The following COL27A1 variants were observed in gnomAD, a reference collection of about 807,000 sequenced individuals.
COL27A1 encodes collagen alpha-1(XXVII) chain.
In COL27A1, 106 loss-of-function variants were observed where a neutral mutation model predicts 251.3. That is an observed-to-expected ratio of 0.42 (90% CI 0.36 to 0.50). The LOEUF (loss-of-function observed/expected upper bound fraction) is 0.50, where lower values mean the gene tolerates loss of function less well. Among genes scored for constraint, COL27A1 ranks in the 20% least tolerant of loss-of-function variants. The pLI is 0.00. For synonymous variants in COL27A1, 1,000 were observed against 986.3 expected, an observed-to-expected ratio of 1.01 and a Z score of -0.26; for missense variants, 2,325 against 2,522.8, an observed-to-expected ratio of 0.92 and a Z score of 1.68.
At chr9:114,185,930 G>A (rs1220233868) in intron 5 of COL27A1, among the ~76,000 whole-genome samples, 2 of 152,228 alleles carry the variant, frequency 1.3e-5, no homozygotes, top group Non-Finnish European at 2.9e-5. Flanking sequence ...GAGATGGGTG[G>A]TTTGAGGAAG....
chr9:114,206,309 T>C lies in COL27A1; in HGVS notation c.2268+13T>C. The C allele has an allele frequency of 6.2e-7, 1 of 1,614,024 alleles. No individual in the cohort carries two copies. Among genetic ancestry groups the C allele is most frequent in the Non-Finnish European group, 8.5e-7 (1 of 1,179,870 alleles). On this transcript the variant is annotated intron_variant, in intron 10 of 60. Coordinates refer to ENST00000356083, the MANE Select transcript of COL27A1 (RefSeq NM_032888.4). ...CAAAGGCAGCAGGGTAAGTGGTTCCTGGCCAGTGCCACATGGGTGGGGTTC... is the reference window on the plus strand; with the variant it reads ...CAAAGGCAGCAGGGTAAGTGGTTCCCGGCCAGTGCCACATGGGTGGGGTTC...
intron 14 of COL27A1, among the ~76,000 whole-genome samples, chr9:114,228,117 AC>A (rs796418241): frequency 7.9e-5 from 12 of 151,816 alleles, no homozygotes; most frequent in African/African-American, 2.9e-4. Context: ...CCACACACAG[AC>A]CCCTTTGGAG....
At chr9:114,251,862 T>C (rs1454878717) in intron 25 of COL27A1, among the ~76,000 whole-genome samples, 1 of 152,254 alleles carries the variant, frequency 6.6e-6, no homozygotes, top group Non-Finnish European at 1.5e-5. Context: ...CTTAGCACCA[T>C]GACCCCCACC....
chr9:114,290,254 G>T lies in COL27A1; in HGVS notation c.4291G>T (p.Val1431Leu), dbSNP rs781067963. Residue 1431 changes from valine (V) to leucine (L), a missense_variant, in exon 47 of 61, where the codon GTG becomes TTG. Physicochemically the swap from Val to Leu is conservative, Grantham distance 32. Transcript: ENST00000356083. The surrounding 1 kb of genome is among the most constrained non-coding windows in gnomAD (Gnocchi z 4.6). The part of the protein sequence containing the change: ...GLQGLPGPRG[V>L]VGRQGLEGIA... ...GCAGGGGCTGCCAGGGCCCCGGGGC[G>T]TGGTGGGGAGACAGGGCCTCGAGGG... is the stretch of plus-strand genomic sequence containing the variant. The T allele has an allele frequency of 6.3e-7, 1 of 1,574,994 alleles. No homozygotes were observed. Among genetic ancestry groups the T allele is most frequent in the South Asian group, 1.2e-5 (1 of 86,342 alleles).
At chr9:114,176,208 A>G (rs1827425785) in intron 3 of COL27A1, among the ~76,000 whole-genome samples, 4 of 152,164 alleles carry the variant, frequency 2.6e-5, no homozygotes, top group African/African-American at 9.7e-5. Flanking sequence ...GCTTCGTCTC[A>G]GCCCCCTGCT....
In COL27A1 at chr9:114,170,984, C is replaced by T. The variant is rs1236051535; in HGVS notation, c.1908+1521C>T. Reference sequence around the variant, plus strand: ...CACAACCCAGCCCTGAGGAGGAGGCCGGCCCTCCCTCCCAAGAATTTGTGT... The same window carrying T: ...CACAACCCAGCCCTGAGGAGGAGGCTGGCCCTCCCTCCCAAGAATTTGTGT... On this transcript the variant is annotated intron_variant, in intron 3 of 60. Coordinates refer to ENST00000356083, the MANE Select transcript of COL27A1 (RefSeq NM_032888.4). Among the ~76,000 whole-genome samples the T allele has an allele frequency of 3.3e-5, 5 of 152,320 alleles. No individual in the cohort carries two copies. In the East Asian group the frequency reaches 7.7e-4, roughly 24 times the overall value.
intron 1 of COL27A1, 58 bp downstream of exon 1, chr9:114,156,070 AG>A: frequency 7.7e-7 from 1 of 1,290,770 alleles, no homozygotes. Flanking sequence ...AATCTCGGGG[AG>A]GGCCGGGGTT....
intron 5 of COL27A1, among the ~76,000 whole-genome samples, chr9:114,190,473 G>T (rs1045004130): frequency 6.6e-6 from 1 of 152,126 alleles, no homozygotes; most frequent in African/African-American, 2.4e-5. Flanking sequence ...TCACTTTGTT[G>T]CCCAGGCTGG....
At chr9:114,291,952 C>A in intron 48 of COL27A1, 151 bp from the exon 49 acceptor site, 1 of 696,420 alleles carries the variant, frequency 1.4e-6, no homozygotes, top group South Asian at 1.7e-5. Flanking sequence ...GTCACCCCTA[C>A]CCCACCAGGC....
chr9:114,159,357 C>T lies in COL27A1; in HGVS notation c.62+3345C>T, dbSNP rs139244748. On this transcript the variant is annotated intron_variant, in intron 1 of 60. Transcript: ENST00000356083. ...GAGAAGGACATGTGTCGTTTTTGTA[C>T]CTTCTCTTCCCCACCTCGCCTTTCT... 5.3e-4 allele frequency among the ~76,000 whole-genome samples: 80 copies of T among 152,198 alleles called. 1 individual carries two copies. Among genetic ancestry groups the T allele is most frequent in the Middle Eastern group, 3.4e-3 (1 of 294 alleles).
chr9:114,282,001 C>T (rs1437679719), intron 37 of COL27A1, among the ~76,000 whole-genome samples: 4 of 152,190 alleles, frequency 2.6e-5, no homozygotes, highest in Non-Finnish European at 5.9e-5. Context: ...AAGCCGCACC[C>T]GCCATCCACC....
At chr9:114,258,736 A>C in intron 28 of COL27A1, 142 bp downstream of exon 28, 1 of 837,652 alleles carries the variant, frequency 1.2e-6, no homozygotes, top group Non-Finnish European at 1.9e-6. Flanking sequence ...GCAAGGTTCT[A>C]GGCTCACCCT....
In COL27A1 at chr9:114,156,021, G is replaced by T. The variant is rs781496001; in HGVS notation, c.62+9G>T. The stretch of plus-strand genomic sequence containing the variant: ...GCGGCGGCGCGCGGGGGGTGAGTAC[G>T]AACTCGGGGACGCCCCCTCCCTAGC... On this transcript the variant is annotated intron_variant, in intron 1 of 60. Coordinates refer to ENST00000356083, the MANE Select transcript of COL27A1 (RefSeq NM_032888.4). 4 of 1,297,964 alleles carry T rather than the reference G, an allele frequency of 3.1e-6. No individual in the cohort carries two copies. The Admixed American group carries it at 9.2e-5, about 30-fold the overall frequency. The allele number at this position is 1,297,964 out of a possible 1,614,324, so 80.4% of individuals were successfully genotyped here.
chr9:114,281,269 T>C (rs951444809), intron 37 of COL27A1, among the ~76,000 whole-genome samples: 2 of 152,210 alleles, frequency 1.3e-5, no homozygotes, highest in Non-Finnish European at 2.9e-5. Flanking sequence ...CCTGACCTAG[T>C]ATGGCCCAGG....
In COL27A1 at chr9:114,290,887, A is replaced by T. The variant is rs1309908628; in HGVS notation, c.4446A>T (p.Leu1482Phe). The T allele has an allele frequency of 6.4e-7, 1 of 1,551,542 alleles. No individual in the cohort carries two copies. Among genetic ancestry groups the T allele is most frequent in the Non-Finnish European group, 8.7e-7 (1 of 1,147,000 alleles). Residue 1482 changes from leucine (L) to phenylalanine (F), a missense_variant, in exon 48 of 61, where the codon TTA becomes TTT. By Grantham distance (22) the Leu-to-Phe change is conservative. Transcript: ENST00000356083. The surrounding 1 kb of genome is among the most constrained non-coding windows in gnomAD (Gnocchi z 4.6). The part of the protein sequence containing the change: ...GKRGNPGVAG[L>F]PGAQGPPGFK... ...GAGGAAATCCAGGTGTGGCCGGCTT[A>T]CCTGGAGCACAGGGACCCCCAGGAT...
At chr9:114,268,944 A>C in intron 34 of COL27A1, 1 of 322,438 alleles carries the variant, frequency 3.1e-6, no homozygotes, top group Non-Finnish European at 5.6e-6. Context: ...TCAAAAAACA[A>C]ACAAAAAAAG....
At chr9:114,297,548 A>G (rs12001768) in intron 49 of COL27A1, among the ~76,000 whole-genome samples, 102 of 152,362 alleles carry the variant, frequency 6.7e-4, no homozygotes, top group African/African-American at 2.2e-3. Flanking sequence ...AATGTAATAC[A>G]CCATATTAAT....
At chr9:114,271,216 C>T (rs866373611) in intron 36 of COL27A1, 16 of 165,438 alleles carry the variant, frequency 9.7e-5, no homozygotes, top group East Asian at 5.6e-4. Flanking sequence ...CCAGGTACAA[C>T]GCTAAGCCCT....
At chr9:114,180,103 G>C (rs778873358) in intron 4 of COL27A1, among the ~76,000 whole-genome samples, 1 of 151,768 alleles carries the variant, frequency 6.6e-6, no homozygotes, top group Non-Finnish European at 1.5e-5. Context: ...GCCTCCCAAA[G>C]TGCTGGGATT....
Sources: gnomAD v4.1 joint callset for allele counts (sites outside exome capture counted in the v4.1 genomes callset) on GRCh38, gnomAD v4.1.1 for gene constraint, Gnocchi (gnomAD v3.1) non-coding constraint, MANE v1.5 for transcripts, NCBI Gene and HGNC (gene_info 2026-07-23, HGNC 2026-07-21) for gene names.